Variants in GFRA2 observed in about 807,000 individuals in gnomAD.
GFRA2 encodes GDNF family receptor alpha 2, also known as GDNF family receptor alpha-2.
A neutral mutation model predicts 48.3 loss-of-function variants in GFRA2; 17 were observed. The ratio of observed to expected loss-of-function variants is 0.35; its 90% CI spans 0.24 to 0.53. The LOEUF (loss-of-function observed/expected upper bound fraction) is 0.53. GFRA2 is among the 20% of genes least tolerant of loss of function. The pLI is 0.93. For missense variants in GFRA2, 660 were observed against 637.3 expected (o/e 1.04, Z -0.38); for synonymous variants, 305 against 257.2 (o/e 1.19, Z -1.78).
intron 3 of GFRA2, among the ~76,000 whole-genome samples, chr8:21,765,298 G>A (rs1244495728): frequency 1.3e-5 from 2 of 151,812 alleles, no homozygotes; most frequent in East Asian, 3.9e-4. Context: ...TTTTGTAGAG[G>A]TGGGGTTTTG....
chr8:21,702,836 G>C lies in GFRA2; in HGVS notation c.1187C>G (p.Thr396Ser). 2.5e-6 allele frequency: 4 copies of C among 1,609,456 alleles called. No individual in the cohort carries two copies. The highest frequency in any genetic ancestry group is 3.4e-6 in the Non-Finnish European group (4 of 1,177,658). Reference protein sequence around the residue: ...DDLSDSTSLGTSVITTCTSVQ... With the variant: ...DDLSDSTSLGSSVITTCTSVQ... ...AGACGTGCAGGTGGTGATGACACTGGTCCCCAAGCTGGTACTGTCACTGAG... is the reference window on the plus strand; with the variant it reads ...AGACGTGCAGGTGGTGATGACACTGCTCCCCAAGCTGGTACTGTCACTGAG... Residue 396 changes from threonine to serine, a missense_variant, in exon 7 of 9, where the codon ACC becomes AGC. Thr to Ser is a moderately conservative substitution (Grantham distance 58). Coordinates refer to ENST00000524240, the MANE Select transcript of GFRA2 (RefSeq NM_001495.5).
At chr8:21,770,800 A>G (rs1806401095) in intron 3 of GFRA2, among the ~76,000 whole-genome samples, 1 of 151,534 alleles carries the variant, frequency 6.6e-6, no homozygotes, top group South Asian at 2.1e-4. Flanking sequence ...ATGTCCACCC[A>G]CTTCTCTCTA....
intron 1 of GFRA2, among the ~76,000 whole-genome samples, chr8:21,787,275 T>A (rs995930268): frequency 6.6e-5 from 5 of 75,698 alleles, no homozygotes; most frequent in African/African-American, 2.0e-4. Context: ...GGGGGGGCAG[T>A]GGGGGGGGTT....
chr8:21,787,641 G>T (rs1807347882), intron 1 of GFRA2, among the ~76,000 whole-genome samples: 1 of 152,176 alleles, frequency 6.6e-6, no homozygotes, highest in East Asian at 1.9e-4. Context: ...GGAGCCGCCG[G>T]AGAAACCCGC....
At chr8:21,696,477 G>C (rs1342107723) in intron 7 of GFRA2, among the ~76,000 whole-genome samples, 2 of 152,166 alleles carry the variant, frequency 1.3e-5, no homozygotes, top group Non-Finnish European at 2.9e-5. Context: ...AAGGGCCCCA[G>C]GGTGGGGCCT....
intron 2 of GFRA2, among the ~76,000 whole-genome samples, chr8:21,776,985 G>C (rs1322807226): frequency 6.6e-6 from 1 of 152,180 alleles, no homozygotes; most frequent in Non-Finnish European, 1.5e-5. Flanking sequence ...TAAAAATAAT[G>C]TTAGACTGCG....
At chr8:21,807,026 G>A (rs1386714992) in intron 1 of GFRA2, among the ~76,000 whole-genome samples, 5 of 152,178 alleles carry the variant, frequency 3.3e-5, no homozygotes, top group Middle Eastern at 3.4e-3. Context: ...TGTACCTAAC[G>A]TAATGCCATA....
intron 4 of GFRA2, among the ~76,000 whole-genome samples, chr8:21,734,043 C>CGTG (rs1382750928): frequency 6.6e-6 from 1 of 152,174 alleles, no homozygotes; most frequent in Non-Finnish European, 1.5e-5. Context: ...GAAAGGGGAC[C>CGTG]GTGCTTTCTG....
intron 4 of GFRA2, among the ~76,000 whole-genome samples, chr8:21,738,979 G>T (rs1804619169): frequency 6.6e-6 from 1 of 152,158 alleles, no homozygotes; most frequent in Admixed American, 6.5e-5. Flanking sequence ...TGAAGAACAT[G>T]CCCAGCTCCT....
chr8:21,727,558 T>C (rs1803938250), intron 4 of GFRA2, among the ~76,000 whole-genome samples: 1 of 152,094 alleles, frequency 6.6e-6, no homozygotes, highest in Non-Finnish European at 1.5e-5. Flanking sequence ...GGAGACAGGC[T>C]GGATGACCAA....
rs1184577383 is a variant in GFRA2, at chr8:21,788,515, C to T, written c.-356G>A. On this transcript the variant is annotated 5_prime_UTR_variant, in exon 1 of 9. Transcript: ENST00000524240. ...AGTCCCCGCGGGTCCAATTCCCCTG[C>T]GCTTCCCAGGAGGGGCCTGGGGAGG... 3 of 1,049,186 alleles carry T rather than the reference C, an allele frequency of 2.9e-6. No individual in the cohort carries two copies. The highest frequency in any genetic ancestry group is 2.3e-6 in the Non-Finnish European group (2 of 872,628). 65.0% of individuals were successfully genotyped at this position (1,049,186 alleles called of 1,614,324 possible).
chr8:21,752,215 A>T (rs547975606), intron 3 of GFRA2, among the ~76,000 whole-genome samples: 15 of 151,868 alleles, frequency 9.9e-5, no homozygotes, highest in African/African-American at 3.4e-4. Context: ...CACCCCTCTT[A>T]AGCTACCACT....
chr8:21,698,323 C>G (rs779223950), intron 7 of GFRA2, among the ~76,000 whole-genome samples: 1 of 152,160 alleles, frequency 6.6e-6, no homozygotes, highest in Non-Finnish European at 1.5e-5. Flanking sequence ...GGGGGAAGGA[C>G]GCAGAAAGAA....
intron 2 of GFRA2, among the ~76,000 whole-genome samples, chr8:21,797,039 T>G (rs1355399143): frequency 6.6e-6 from 1 of 152,218 alleles, no homozygotes. Flanking sequence ...GATCACACAG[T>G]CAGGAAGCTG....
chr8:21,735,054 T>C (rs991817515), intron 4 of GFRA2, among the ~76,000 whole-genome samples: 2 of 152,200 alleles, frequency 1.3e-5, no homozygotes, highest in South Asian at 2.1e-4. Context: ...CTCTTACATA[T>C]ACTGATTGAT....
chr8:21,694,070 T>TACG (rs1563209382), intron 8 of GFRA2, among the ~76,000 whole-genome samples: 1 of 114,536 alleles, frequency 8.7e-6, no homozygotes, highest in Admixed American at 8.3e-5. Flanking sequence ...TATATATTTA[T>TACG]TTATTTTTAT....
At position 21,782,716 on chromosome 8, in the gene GFRA2, T is replaced by A; in HGVS notation, c.224A>T (p.Asn75Ile). ...AGRDRNTMLANKECQAALEVL... is the reference protein window; with the variant it reads ...AGRDRNTMLAIKECQAALEVL... ...CTCCAAGGCCGCCTGGCACTCCTTGTTGGCCAGCATGGTGTTGCGGTCGCG... is the reference window on the plus strand; with the variant it reads ...CTCCAAGGCCGCCTGGCACTCCTTGATGGCCAGCATGGTGTTGCGGTCGCG... Residue 75 changes from asparagine to isoleucine, a missense_variant, in exon 2 of 9, where the codon AAC becomes ATC. Transcript: ENST00000524240. 1.3e-6 allele frequency: 2 copies of A among 1,596,956 alleles called. No individual in the cohort carries two copies. Among genetic ancestry groups the A allele is most frequent in the Non-Finnish European group, 1.7e-6 (2 of 1,172,260 alleles).
chr8:21,731,546 G>T (rs904209062), intron 4 of GFRA2, among the ~76,000 whole-genome samples: 4 of 152,076 alleles, frequency 2.6e-5, no homozygotes, highest in Admixed American at 2.6e-4. Context: ...CTGGCAGCCT[G>T]CCAGGAATGA....
At chr8:21,785,191 C>T (rs1179432637) in intron 1 of GFRA2, among the ~76,000 whole-genome samples, 5 of 152,194 alleles carry the variant, frequency 3.3e-5, no homozygotes, top group Non-Finnish European at 7.3e-5. Flanking sequence ...GGCATAAGGA[C>T]GCTTTTTTTG....
Sources: allele counts gnomAD v4.1 joint callset (sites outside exome capture counted in the v4.1 genomes callset), GRCh38; gene constraint gnomAD v4.1.1; transcripts MANE v1.5; gene names NCBI Gene and HGNC (gene_info 2026-07-23, HGNC 2026-07-21).